FBXL17: variants seen among roughly 807,000 people sequenced by gnomAD.
The protein encoded by FBXL17 is F-box and leucine rich repeat protein 17.
FBXL17 carries 22 observed loss-of-function variants against 66.2 expected under a neutral mutation model. The ratio of observed to expected loss-of-function variants is 0.33; its 90% CI spans 0.24 to 0.47. The LOEUF (loss-of-function observed/expected upper bound fraction) is 0.47, where lower values mean the gene tolerates loss of function less well. Ranked by LOEUF, FBXL17 falls within the 20% of genes least tolerant of loss-of-function variation. The probability of loss-of-function intolerance (pLI) is 1.00; values close to 1 mark genes in which losing one functional copy is unlikely to be tolerated. For missense variants in FBXL17, 878 were observed against 948.2 expected, an observed-to-expected ratio of 0.93 and a Z score of 0.97; for synonymous variants, 474 against 400.5, an observed-to-expected ratio of 1.18 and a Z score of -2.19.
chr5:108,051,484 C>A (rs1226318682), intron 6 of FBXL17, among the ~76,000 whole-genome samples: 3 of 152,050 alleles, frequency 2.0e-5, no homozygotes, highest in African/African-American at 7.2e-5. Flanking sequence ...GAACCAAAGA[C>A]AAAAAACACA....
chr5:107,957,208 C>G (rs1303740784), intron 7 of FBXL17, among the ~76,000 whole-genome samples: 2 of 152,110 alleles, frequency 1.3e-5, no homozygotes, highest in Non-Finnish European at 2.9e-5. Flanking sequence ...AGGGCCCCAG[C>G]TTTGTAAGTA....
intron 4 of FBXL17, among the ~76,000 whole-genome samples, chr5:108,264,829 C>G (rs865995083): frequency 6.6e-6 from 1 of 151,078 alleles, no homozygotes; most frequent in Non-Finnish European, 1.5e-5. Context: ...AAGAATAAAC[C>G]GGTCAATTAC....
chr5:108,249,175 T>C (rs1756238152), intron 4 of FBXL17, among the ~76,000 whole-genome samples: 2 of 151,854 alleles, frequency 1.3e-5, no homozygotes, highest in Non-Finnish European at 2.9e-5. Context: ...CACCAGAAAA[T>C]GGGTACACTA....
chr5:108,137,565 G>T (rs184348418), intron 6 of FBXL17, among the ~76,000 whole-genome samples: 3 of 152,200 alleles, frequency 2.0e-5, no homozygotes, highest in Non-Finnish European at 4.4e-5. Flanking sequence ...GATGATAACT[G>T]CACACTGATG....
intron 4 of FBXL17, among the ~76,000 whole-genome samples, chr5:108,241,038 A>G (rs914190473): frequency 1.4e-4 from 22 of 152,198 alleles, no homozygotes; most frequent in Admixed American, 7.9e-4. Flanking sequence ...ATGGGTATGA[A>G]CAAGCCCAAA....
intron 6 of FBXL17, among the ~76,000 whole-genome samples, chr5:108,034,664 A>C (rs548915788): frequency 6.6e-6 from 1 of 152,328 alleles, no homozygotes; most frequent in East Asian, 1.9e-4. Flanking sequence ...AAACCTTAGA[A>C]GTTTTCAAAT....
intron 6 of FBXL17, among the ~76,000 whole-genome samples, chr5:108,072,577 G>A (rs572522323): frequency 5.9e-5 from 9 of 152,258 alleles, no homozygotes; most frequent in Non-Finnish European, 8.8e-5. Context: ...GCGTGGTGGC[G>A]GGTGCCTGTA....
chr5:108,244,681 A>C (rs564983520), intron 4 of FBXL17, among the ~76,000 whole-genome samples: 54 of 152,270 alleles, frequency 3.5e-4, no homozygotes, highest in African/African-American at 1.3e-3. Context: ...GACATGTTGC[A>C]CCTACTCTCC....
intron 7 of FBXL17, among the ~76,000 whole-genome samples, chr5:107,933,208 T>G (rs1750791122): frequency 6.6e-6 from 1 of 152,210 alleles, no homozygotes; most frequent in African/African-American, 2.4e-5. Flanking sequence ...TTACCATTAC[T>G]GCAGCACAGA....
At chr5:107,983,128 G>A (rs1005168207) in intron 7 of FBXL17, among the ~76,000 whole-genome samples, 22 of 151,924 alleles carry the variant, frequency 1.4e-4, no homozygotes, top group African/African-American at 4.8e-4. Flanking sequence ...TTTCTTTGAT[G>A]CTATTTGCTT....
At chr5:108,191,475 A>C (rs936204479) in intron 5 of FBXL17, among the ~76,000 whole-genome samples, 2 of 152,242 alleles carry the variant, frequency 1.3e-5, no homozygotes, top group Non-Finnish European at 2.9e-5. Flanking sequence ...GAGAGCATAT[A>C]ATAAAAATTG....
At chr5:108,219,656 C>T (rs578189789) in intron 5 of FBXL17, among the ~76,000 whole-genome samples, 1 of 152,010 alleles carries the variant, frequency 6.6e-6, no homozygotes, top group South Asian at 2.1e-4. Context: ...TACACTCCAG[C>T]CTGGGCAACA....
At chr5:107,986,348 G>C (rs1753011815) in intron 7 of FBXL17, among the ~76,000 whole-genome samples, 2 of 151,574 alleles carry the variant, frequency 1.3e-5, no homozygotes, top group African/African-American at 4.8e-5. Flanking sequence ...GCTAACCCTA[G>C]CAAATTAATC....
At chr5:108,150,946 T>C (rs1387314151) in intron 6 of FBXL17, among the ~76,000 whole-genome samples, 2 of 152,204 alleles carry the variant, frequency 1.3e-5, no homozygotes, top group Non-Finnish European at 2.9e-5. Flanking sequence ...CACACGGTCA[T>C]TTTATCAAGA....
At chr5:108,338,314 G>T (rs1471805744) in intron 4 of FBXL17, among the ~76,000 whole-genome samples, 2 of 151,942 alleles carry the variant, frequency 1.3e-5, no homozygotes, top group Non-Finnish European at 2.9e-5. Context: ...CAGTAAAAAT[G>T]AAAATAAAAG....
At chr5:108,126,631 G>GTCTCTCTCTCTC (rs140769664) in intron 6 of FBXL17, among the ~76,000 whole-genome samples, 68 of 112,510 alleles carry the variant, frequency 6.0e-4, no homozygotes, top group Admixed American at 1.1e-3. Context: ...CTGTCTCTCT[G>GTCTCTCTCTCTC]TCTCTCTCTC....
At chr5:107,951,475 T>C (rs1751495493) in intron 7 of FBXL17, among the ~76,000 whole-genome samples, 1 of 152,232 alleles carries the variant, frequency 6.6e-6, no homozygotes, top group Non-Finnish European at 1.5e-5. Context: ...GGGAAGCACA[T>C]ACTCTGGCAG....
intron 8 of FBXL17, chr5:107,878,205 C>A (rs979915723): frequency 2.1e-6 from 2 of 949,580 alleles, no homozygotes; most frequent in African/African-American, 3.5e-5. Context: ...GGAAAAAGCA[C>A]AAAGGCAAAG....
intron 6 of FBXL17, among the ~76,000 whole-genome samples, chr5:108,183,810 T>G (rs1232509500): frequency 6.6e-6 from 1 of 152,140 alleles, no homozygotes; most frequent in Non-Finnish European, 1.5e-5. Context: ...AAGTGAGACA[T>G]ATGGTATTTG....
Sources: allele counts gnomAD v4.1 joint callset (sites outside exome capture counted in the v4.1 genomes callset), GRCh38; gene constraint gnomAD v4.1.1; transcripts MANE v1.5; gene names NCBI Gene and HGNC (gene_info 2026-07-23, HGNC 2026-07-21).